The following GRIA1 variants were observed in gnomAD, a reference collection of about 807,000 sequenced individuals.
GRIA1 encodes the protein glutamate receptor 1.
In GRIA1, 31 loss-of-function variants were observed where a neutral mutation model predicts 99.2. The ratio of observed to expected loss-of-function variants is 0.31; its 90% CI spans 0.23 to 0.42. The LOEUF (loss-of-function observed/expected upper bound fraction) is 0.42. Ranked by LOEUF, GRIA1 falls within the 10% of genes least tolerant of loss-of-function variation. The pLI is 1.00. For synonymous variants in GRIA1, 438 were observed against 432.4 expected (o/e 1.01, Z -0.16); for missense variants, 782 against 1,157.5 (o/e 0.68, Z 4.71).
At chr5:153,593,003 C>T (rs970040615) in intron 2 of GRIA1, among the ~76,000 whole-genome samples, 1 of 152,208 alleles carries the variant, frequency 6.6e-6, no homozygotes, top group African/African-American at 2.4e-5. Context: ...CAGTGGCTCA[C>T]ACCTGTGATC....
In GRIA1 at chr5:153,686,326, A is replaced by G. The variant is rs763160078; in HGVS notation, c.1131A>G (p.Arg377=). ...HVIEMKHDGI[R]KIGYWNEDDK... ...TTGAAATGAAACATGACGGCATCCG[A>G]AAGGTAAGGTCCCCCTTTACTTCTG... The change falls in exon 8 of 16, where the codon CGA becomes CGG. Residue 377 remains arginine (R), a synonymous_variant. Transcript: ENST00000285900. 6 of 1,610,892 alleles carry G rather than the reference A, an allele frequency of 3.7e-6. No homozygotes were observed. In the African/African-American group the frequency reaches 6.7e-5, roughly 18 times the overall value.
chr5:153,596,582 C>T (rs1022132401), intron 2 of GRIA1, among the ~76,000 whole-genome samples: 1 of 152,128 alleles, frequency 6.6e-6, no homozygotes, highest in African/African-American at 2.4e-5. Context: ...GAACTCAGCA[C>T]TCCTGACTCC....
intron 2 of GRIA1, among the ~76,000 whole-genome samples, chr5:153,620,938 A>G (rs1301568470): frequency 6.6e-6 from 1 of 152,152 alleles, no homozygotes; most frequent in African/African-American, 2.4e-5. Context: ...AAATATCACA[A>G]AACCAACCAA....
chr5:153,712,588 A>G (rs1759391821), intron 11 of GRIA1, among the ~76,000 whole-genome samples: 1 of 129,570 alleles, frequency 7.7e-6, no homozygotes, highest in Non-Finnish European at 1.7e-5. Context: ...GCTCTTCTTG[A>G]TGTCACTGTA....
At chr5:153,720,973 A>G (rs560081087) in intron 11 of GRIA1, among the ~76,000 whole-genome samples, 1 of 152,352 alleles carries the variant, frequency 6.6e-6, no homozygotes, top group East Asian at 1.9e-4. Flanking sequence ...CCCAAGTGCC[A>G]TCCACGGGTG....
chr5:153,756,150 A>G (rs1029639543), intron 11 of GRIA1, among the ~76,000 whole-genome samples: 3 of 152,230 alleles, frequency 2.0e-5, no homozygotes, highest in African/African-American at 7.2e-5. Context: ...AAGGAACCAG[A>G]GGGAAACTCA....
intron 13 of GRIA1, among the ~76,000 whole-genome samples, chr5:153,787,038 A>G (rs942210729): frequency 1.3e-5 from 2 of 152,360 alleles, no homozygotes; most frequent in Non-Finnish European, 2.9e-5. Flanking sequence ...GACAATTGCT[A>G]CAGAATTGAA....
At chr5:153,533,610 A>T (rs1758285172) in intron 2 of GRIA1, among the ~76,000 whole-genome samples, 1 of 152,202 alleles carries the variant, frequency 6.6e-6, no homozygotes, top group Admixed American at 6.5e-5. Flanking sequence ...TTGTGAAAGA[A>T]GGTGATGGAA....
chr5:153,742,183 A>G (rs1761849960), intron 11 of GRIA1, among the ~76,000 whole-genome samples: 1 of 152,206 alleles, frequency 6.6e-6, no homozygotes. Context: ...AGAAGTTGTC[A>G]TTGGAGATGG....
intron 5 of GRIA1, among the ~76,000 whole-genome samples, chr5:153,672,440 C>T (rs747712566): frequency 1.4e-4 from 22 of 152,104 alleles, no homozygotes; most frequent in Non-Finnish European, 2.4e-4. Flanking sequence ...TCAGGAAACA[C>T]CTCTCTGAGA....
At chr5:153,805,892 C>T (rs1269018030) in intron 15 of GRIA1, among the ~76,000 whole-genome samples, 1 of 152,128 alleles carries the variant, frequency 6.6e-6, no homozygotes. Flanking sequence ...GAATTAATTC[C>T]GTTGATTGGT....
intron 2 of GRIA1, among the ~76,000 whole-genome samples, chr5:153,563,226 G>C (rs1001452780): frequency 6.6e-6 from 1 of 150,908 alleles, no homozygotes; most frequent in Non-Finnish European, 1.5e-5. Flanking sequence ...CTTCCTAAAA[G>C]TGGAGCTTTG....
At chr5:153,797,568 C>T (rs1765726858) in intron 14 of GRIA1, among the ~76,000 whole-genome samples, 1 of 152,192 alleles carries the variant, frequency 6.6e-6, no homozygotes, top group Non-Finnish European at 1.5e-5. Flanking sequence ...TGGGGACACC[C>T]ATGTTACACT....
chr5:153,682,952 C>A (rs765781956), intron 7 of GRIA1, among the ~76,000 whole-genome samples: 3 of 152,224 alleles, frequency 2.0e-5, no homozygotes, highest in Admixed American at 1.3e-4. Flanking sequence ...TGAGCTGGCA[C>A]CCAGTACCCT....
At chr5:153,690,836 CT>C (rs1561771463) in intron 8 of GRIA1, among the ~76,000 whole-genome samples, 1 of 152,190 alleles carries the variant, frequency 6.6e-6, no homozygotes, top group Non-Finnish European at 1.5e-5. Flanking sequence ...GGGGATCTGC[CT>C]TTCAGAAAAT....
At chr5:153,506,755 T>G (rs1157079092) in intron 2 of GRIA1, among the ~76,000 whole-genome samples, 1 of 152,180 alleles carries the variant, frequency 6.6e-6, no homozygotes, top group East Asian at 1.9e-4. Context: ...AAGTAGTTTA[T>G]TAGCTTTGGG....
intron 11 of GRIA1, among the ~76,000 whole-genome samples, chr5:153,727,231 T>A (rs543754532): frequency 2.0e-5 from 3 of 152,330 alleles, no homozygotes; most frequent in Non-Finnish European, 2.9e-5. Context: ...TGATGGGACG[T>A]ATCTCAAAAT....
At chr5:153,725,114 T>G (rs1297324475) in intron 11 of GRIA1, among the ~76,000 whole-genome samples, 1 of 152,026 alleles carries the variant, frequency 6.6e-6, no homozygotes, top group Non-Finnish European at 1.5e-5. Context: ...CAGAAAAGAA[T>G]TTTCAACCCA....
intron 11 of GRIA1, among the ~76,000 whole-genome samples, chr5:153,731,080 A>T (rs1760978022): frequency 2.6e-5 from 4 of 152,018 alleles, no homozygotes; most frequent in Admixed American, 2.0e-4. Context: ...TAAGCCCTTT[A>T]ACCACCTTGA....
Sources: gnomAD v4.1 joint callset for allele counts (sites outside exome capture counted in the v4.1 genomes callset) on GRCh38, gnomAD v4.1.1 for gene constraint, MANE v1.5 for transcripts, NCBI Gene and HGNC (gene_info 2026-07-23, HGNC 2026-07-21) for gene names.